Variants in FRMD4A observed in about 807,000 individuals in gnomAD.
FRMD4A encodes FERM domain-containing protein 4A.
FRMD4A carries 29 observed loss-of-function variants against 129.1 expected under a neutral mutation model. The observed-to-expected ratio is 0.22, with a 90% confidence interval of 0.17 to 0.31. The LOEUF is 0.31. FRMD4A is among the 10% of genes least tolerant of loss of function. The pLI, the probability that FRMD4A is intolerant of heterozygous loss-of-function variation, is 1.00. For synonymous variants in FRMD4A, 634 were observed against 571.6 expected (o/e 1.11, Z -1.56); for missense variants, 1,272 against 1,375.8 (o/e 0.92, Z 1.19).
chr10:13,971,802 C>T, intron 2 of FRMD4A: 1 of 1,304,464 alleles, frequency 7.7e-7, no homozygotes, highest in South Asian at 1.2e-5. Flanking sequence ...GCAGCCATGC[C>T]AGCCCCAGAC....
intron 2 of FRMD4A, among the ~76,000 whole-genome samples, chr10:14,066,655 G>A (rs373368594): frequency 2.0e-5 from 3 of 152,160 alleles, no homozygotes; most frequent in Non-Finnish European, 4.4e-5. Flanking sequence ...AATTCATGGC[G>A]AAAAGCCTCC....
chr10:13,792,313 C>T (rs2093020160), intron 5 of FRMD4A, among the ~76,000 whole-genome samples: 1 of 152,138 alleles, frequency 6.6e-6, no homozygotes, highest in African/African-American at 2.4e-5. Flanking sequence ...CTGCTCCTGG[C>T]CCTGCCTATA....
rs60485465 is a variant in FRMD4A, at chr10:14,278,783, G to A, written c.45+51275C>T. ...CTGTGTCTGGCCTAATGAAGCCATCGATTTCTTCCTGTCTGACAAATGTTA... is the reference window on the plus strand; with the variant it reads ...CTGTGTCTGGCCTAATGAAGCCATCAATTTCTTCCTGTCTGACAAATGTTA... On this transcript the variant is annotated intron_variant, in intron 2 of 24. Coordinates refer to ENST00000357447, the MANE Select transcript of FRMD4A (RefSeq NM_018027.5). 5.9e-4 allele frequency among the ~76,000 whole-genome samples: 90 copies of A among 152,256 alleles called. 1 individual carries two copies. The highest frequency in any genetic ancestry group is 2.1e-3 in the African/African-American group (87 of 41,546).
At chr10:14,312,124 C>T (rs1032821458) in intron 2 of FRMD4A, among the ~76,000 whole-genome samples, 1 of 152,124 alleles carries the variant, frequency 6.6e-6, no homozygotes, top group African/African-American at 2.4e-5. Flanking sequence ...TAAGAAAGAG[C>T]GGGGAGCATT....
At chr10:13,682,482 C>T (rs1347018869) in intron 15 of FRMD4A, among the ~76,000 whole-genome samples, 1 of 148,038 alleles carries the variant, frequency 6.8e-6, no homozygotes, top group African/African-American at 2.5e-5. Context: ...GACATCATTC[C>T]CATTTTCTTT....
intron 2 of FRMD4A, among the ~76,000 whole-genome samples, chr10:14,052,670 G>A (rs902467173): frequency 3.9e-5 from 6 of 151,934 alleles, no homozygotes; most frequent in East Asian, 3.9e-4. Flanking sequence ...GTGATTCTCC[G>A]GCCTCAGCCT....
At chr10:13,757,229 A>T (rs1339235070) in intron 8 of FRMD4A, among the ~76,000 whole-genome samples, 1 of 152,248 alleles carries the variant, frequency 6.6e-6, no homozygotes, top group Non-Finnish European at 1.5e-5. Flanking sequence ...TTTAAAGAGA[A>T]ATGCCAACTC....
At chr10:13,941,537 A>G (rs886578978) in intron 2 of FRMD4A, among the ~76,000 whole-genome samples, 4 of 152,204 alleles carry the variant, frequency 2.6e-5, no homozygotes, top group Non-Finnish European at 5.9e-5. Context: ...AAGCAAAGCA[A>G]AACAAAACAG....
At chr10:13,669,627 G>A (rs2083352852) in intron 17 of FRMD4A, among the ~76,000 whole-genome samples, 2 of 152,228 alleles carry the variant, frequency 1.3e-5, no homozygotes, top group African/African-American at 4.8e-5. Context: ...CTGTTCAAGA[G>A]CATGTTAATT....
chr10:14,104,007 C>T (rs947109541), intron 2 of FRMD4A, among the ~76,000 whole-genome samples: 5 of 152,212 alleles, frequency 3.3e-5, no homozygotes, highest in African/African-American at 9.6e-5. Context: ...ACCAGGTCCT[C>T]CTTGCTGTAA....
intron 12 of FRMD4A, among the ~76,000 whole-genome samples, chr10:13,714,563 T>G (rs1185249166): frequency 6.6e-6 from 1 of 152,166 alleles, no homozygotes; most frequent in Admixed American, 6.6e-5. Context: ...ACTGTTCTCA[T>G]AGGCAAGAGG....
intron 5 of FRMD4A, among the ~76,000 whole-genome samples, chr10:13,788,408 T>C (rs2092918297): frequency 6.6e-6 from 1 of 152,146 alleles, no homozygotes; most frequent in South Asian, 2.1e-4. Context: ...CAAAAAATGC[T>C]CTTGCCCAAT....
chr10:14,127,980 T>TCTCTCTCTC (rs1554766246), intron 2 of FRMD4A, among the ~76,000 whole-genome samples: 10 of 19,378 alleles, frequency 5.2e-4, no homozygotes, highest in South Asian at 2.0e-3. Flanking sequence ...CTTTCTTTCC[T>TCTCTCTCTC]TCTCTCTCTC....
chr10:14,319,367 T>TCTCTCTCTCTCTCTCTCTCTCACACACA (rs112041665), intron 2 of FRMD4A, among the ~76,000 whole-genome samples: 14 of 145,046 alleles, frequency 9.7e-5, no homozygotes, highest in African/African-American at 3.8e-4. Flanking sequence ...TCTCTCTCTC[T>TCTCTCTCTCTCTCTCTCTCTCACACACA]CACACACACA....
At chr10:14,027,873 G>A (rs763441752) in intron 2 of FRMD4A, among the ~76,000 whole-genome samples, 12 of 152,208 alleles carry the variant, frequency 7.9e-5, no homozygotes, top group Non-Finnish European at 1.5e-4. Flanking sequence ...CAGGAAATTA[G>A]TGTATGCGGA....
chr10:13,855,793 A>G (rs1259355699), intron 3 of FRMD4A, among the ~76,000 whole-genome samples: 1 of 152,184 alleles, frequency 6.6e-6, no homozygotes, highest in Non-Finnish European at 1.5e-5. Flanking sequence ...TAGAGAATCC[A>G]GATTCCCTTT....
At chr10:13,785,796 A>G (rs552773289) in intron 5 of FRMD4A, among the ~76,000 whole-genome samples, 5 of 100,296 alleles carry the variant, frequency 5.0e-5, no homozygotes, top group Non-Finnish European at 7.6e-5. Flanking sequence ...GACAGGCCCC[A>G]GTATGTGATG....
At chr10:13,692,692 C>T (rs1564623600) in intron 15 of FRMD4A, 1 of 152,238 alleles carries the variant, frequency 6.6e-6, no homozygotes, top group Non-Finnish European at 1.5e-5. Flanking sequence ...AGCCCACAAG[C>T]TAACGAGACA....
At chr10:14,175,946 C>G (rs192226281) in intron 2 of FRMD4A, among the ~76,000 whole-genome samples, 12 of 152,312 alleles carry the variant, frequency 7.9e-5, no homozygotes, top group Admixed American at 7.2e-4. Context: ...AATCTGTAGA[C>G]CCAACATATT....
Sources: allele counts gnomAD v4.1 joint callset (sites outside exome capture counted in the v4.1 genomes callset), GRCh38; gene constraint gnomAD v4.1.1; transcripts MANE v1.5; gene names NCBI Gene and HGNC (gene_info 2026-07-23, HGNC 2026-07-21).